GCNT4: variants seen among roughly 807,000 people sequenced by gnomAD.
The protein encoded by GCNT4 is beta-1,3-galactosyl-O-glycosyl-glycoprotein beta-1,6-N-acetylglucosaminyltransferase 4.
GCNT4 carries 17 observed loss-of-function variants against 31.3 expected under a neutral mutation model. The ratio of observed to expected loss-of-function variants is 0.54; its 90% CI spans 0.37 to 0.81. GCNT4 has a LOEUF of 0.81. GCNT4 is among the 40% of genes least tolerant of loss of function. The pLI is 0.00. For synonymous variants in GCNT4, 158 were observed against 190.6 expected, an observed-to-expected ratio of 0.83 and a Z score of 1.41; for missense variants, 503 against 525.5, an observed-to-expected ratio of 0.96 and a Z score of 0.42.
chr5:75,031,896 C>A (rs1743071770), intron 3 of GCNT4, among the ~76,000 whole-genome samples: 1 of 152,160 alleles, frequency 6.6e-6, no homozygotes, highest in Non-Finnish European at 1.5e-5. Context: ...CTGGTGGGGT[C>A]TGAGCACCCC....
intron 2 of GCNT4, among the ~76,000 whole-genome samples, chr5:75,049,018 T>C (rs1561379336): frequency 2.6e-5 from 4 of 152,204 alleles, no homozygotes; most frequent in Admixed American, 2.0e-4. Flanking sequence ...AACAAAATTG[T>C]AGTTTGTTTT....
chr5:75,052,646 C>T (rs973450541), upstream of GCNT4: 1 of 152,216 alleles, frequency 6.6e-6, no homozygotes, highest in African/African-American at 2.4e-5. Flanking sequence ...AGCTTCCGCC[C>T]CCAAAGAACA....
At chr5:75,051,884 C>T (rs1403111422) in intron 2 of GCNT4, among the ~76,000 whole-genome samples, 2 of 152,216 alleles carry the variant, frequency 1.3e-5, no homozygotes, top group African/African-American at 2.4e-5. Context: ...CCACACAGTT[C>T]CTTGGCTATT....
intron 3 of GCNT4, among the ~76,000 whole-genome samples, chr5:75,036,816 A>G (rs1266300878): frequency 1.3e-5 from 2 of 152,220 alleles, no homozygotes; most frequent in African/African-American, 4.8e-5. Context: ...GGACTCTGCC[A>G]TTGGTTACTC....
chr5:75,032,879 GT>G (rs1743100387), intron 3 of GCNT4, among the ~76,000 whole-genome samples: 2 of 63,236 alleles, frequency 3.2e-5, no homozygotes, highest in Non-Finnish European at 5.8e-5. Context: ...AGGGGTGTGT[GT>G]GTGTGTGTGT....
downstream of GCNT4, among the ~76,000 whole-genome samples, chr5:75,022,895 C>T (rs1202697030): frequency 6.6e-6 from 1 of 152,130 alleles, no homozygotes; most frequent in African/African-American, 2.4e-5. Flanking sequence ...ATTCTAGGCA[C>T]AGGAAAAAGC....
chr5:75,028,261 T>G lies in GCNT4; in HGVS notation c.*415A>C. On this transcript the variant is annotated 3_prime_UTR_variant, in exon 4 of 4. Transcript: ENST00000652361. ...TACTTAAACACTACTCTGAAATGGGTGGTTTATATGATCAGACGATTACCA... is the reference window on the plus strand; with the variant it reads ...TACTTAAACACTACTCTGAAATGGGGGGTTTATATGATCAGACGATTACCA... 1 of 166,868 alleles carries G rather than the reference T, an allele frequency of 6.0e-6. No individual in the cohort carries two copies. Among genetic ancestry groups the G allele is most frequent in the African/African-American group, 2.4e-5 (1 of 41,710 alleles). 10.3% of individuals were successfully genotyped at this position (166,868 alleles called of 1,614,324 possible).
chr5:75,037,389 G>C (rs971252036), intron 3 of GCNT4, among the ~76,000 whole-genome samples: 2 of 152,160 alleles, frequency 1.3e-5, no homozygotes, highest in Non-Finnish European at 2.9e-5. Context: ...TTGTTCTGGA[G>C]AAAAGATTGC....
intron 2 of GCNT4, among the ~76,000 whole-genome samples, chr5:75,048,844 G>A (rs1402836259): frequency 6.6e-6 from 1 of 152,150 alleles, no homozygotes; most frequent in Non-Finnish European, 1.5e-5. Flanking sequence ...AGACGGACCT[G>A]GAAAGGTTAA....
chr5:75,050,809 C>T (rs1743552616), intron 2 of GCNT4, among the ~76,000 whole-genome samples: 1 of 152,228 alleles, frequency 6.6e-6, no homozygotes, highest in South Asian at 2.1e-4. Context: ...CCCAACGTGT[C>T]ATCCCTACTG....
chr5:75,038,817 A>C (rs909185535), intron 3 of GCNT4, among the ~76,000 whole-genome samples: 1 of 152,200 alleles, frequency 6.6e-6, no homozygotes, highest in African/African-American at 2.4e-5. Flanking sequence ...TGGGGAACAC[A>C]TTCAGACCAT....
Position 75,027,052 on chromosome 5 carries a change from A to G in GCNT4, c.*1624T>C, listed in dbSNP as rs1161083063. 6.6e-6 allele frequency: 1 copy of G among 151,688 alleles called. No homozygotes were observed. The highest frequency in any genetic ancestry group is 1.5e-5 in the Non-Finnish European group (1 of 67,976). 9.4% of individuals were successfully genotyped at this position (151,688 alleles called of 1,614,324 possible). A position where few individuals can be genotyped will look rare whatever the true frequency, so the allele number is the denominator to read the frequency against. On this transcript the variant is annotated 3_prime_UTR_variant, in exon 4 of 4. Coordinates refer to ENST00000652361, the MANE Select transcript of GCNT4 (RefSeq NM_001366737.1). ...ATACTTAAATCTTCCAAATTGTCCT[A>G]TTTTGGGCTAGATTTACTACATCTT...
At chr5:75,037,420 T>C (rs1422173346) in intron 3 of GCNT4, among the ~76,000 whole-genome samples, 1 of 152,160 alleles carries the variant, frequency 6.6e-6, no homozygotes, top group Non-Finnish European at 1.5e-5. Context: ...AATAATCAGA[T>C]TGTGAGCAGG....
chr5:75,047,782 A>G (rs1354431950), intron 3 of GCNT4, 115 bp downstream of exon 3: 1 of 150,350 alleles, frequency 6.7e-6, no homozygotes, highest in Non-Finnish European at 1.5e-5. Context: ...TAGGTTTTAG[A>G]GCTTGGGGGA....
intron 3 of GCNT4, among the ~76,000 whole-genome samples, chr5:75,036,127 A>G (rs1743192148): frequency 6.6e-6 from 1 of 152,040 alleles, no homozygotes; most frequent in Admixed American, 6.5e-5. Context: ...CATTCTGCAA[A>G]TACTACATTT....
At chr5:75,039,058 T>C (rs896890312) in intron 3 of GCNT4, among the ~76,000 whole-genome samples, 8 of 152,150 alleles carry the variant, frequency 5.3e-5, no homozygotes, top group Non-Finnish European at 4.4e-5. Context: ...ACTATTTCCA[T>C]GATCTTATTC....
downstream of GCNT4, among the ~76,000 whole-genome samples, chr5:75,023,185 T>G (rs1216902624): frequency 8.5e-5 from 13 of 152,226 alleles, no homozygotes; most frequent in Admixed American, 8.5e-4. Context: ...AGCTCTTTAC[T>G]ACCCATGCAT....
intron 3 of GCNT4, among the ~76,000 whole-genome samples, chr5:75,036,001 A>T (rs932588043): frequency 2.6e-5 from 4 of 152,208 alleles, no homozygotes; most frequent in Admixed American, 1.3e-4. Flanking sequence ...CAGTATATGC[A>T]GAGGATTCAT....
At chr5:75,033,392 A>G (rs1580237955) in intron 3 of GCNT4, among the ~76,000 whole-genome samples, 1 of 152,284 alleles carries the variant, frequency 6.6e-6, no homozygotes, top group South Asian at 2.1e-4. Context: ...CCCAGTGAGA[A>G]GTCCTTTGGA....
Sources: gnomAD v4.1 joint callset for allele counts (sites outside exome capture counted in the v4.1 genomes callset) on GRCh38, gnomAD v4.1.1 for gene constraint, MANE v1.5 for transcripts, NCBI Gene and HGNC (gene_info 2026-07-23, HGNC 2026-07-21) for gene names.